NTM: variants seen among roughly 807,000 people sequenced by gnomAD.
NTM encodes the protein IgLON family member 2.
NTM carries 13 observed loss-of-function variants against 42.1 expected under a neutral mutation model. The observed-to-expected ratio is 0.31, with a 90% CI of 0.20 to 0.49. The LOEUF (loss-of-function observed/expected upper bound fraction) is 0.49, where lower values mean the gene tolerates loss of function less well. Among genes scored for constraint, NTM ranks in the 20% least tolerant of loss-of-function variants. The pLI, the probability that NTM is intolerant of heterozygous loss-of-function variation, is 0.99. For missense variants in NTM, 373 were observed against 452.8 expected (o/e 0.82, Z 1.60); for synonymous variants, 187 against 179.2 (o/e 1.04, Z -0.35).
chr11:131,473,871 A>T (rs941817674), intron 1 of NTM, among the ~76,000 whole-genome samples: 1 of 152,052 alleles, frequency 6.6e-6, no homozygotes, highest in Non-Finnish European at 1.5e-5. Context: ...GGCGTCTTCA[A>T]TCTCTCCTTC....
At chr11:132,036,748 G>C (rs1475388609) in intron 2 of NTM, among the ~76,000 whole-genome samples, 1 of 152,138 alleles carries the variant, frequency 6.6e-6, no homozygotes, top group East Asian at 1.9e-4. Context: ...AATGACCTGG[G>C]ATAAGCTCCT....
chr11:131,704,140 A>G (rs1301340753), intron 1 of NTM, among the ~76,000 whole-genome samples: 2 of 152,184 alleles, frequency 1.3e-5, no homozygotes, highest in African/African-American at 4.8e-5. Flanking sequence ...GGATAACTCA[A>G]TCACCAGGCT....
At chr11:132,236,506 C>A (rs995862307) in intron 4 of NTM, among the ~76,000 whole-genome samples, 2 of 152,206 alleles carry the variant, frequency 1.3e-5, no homozygotes, top group African/African-American at 2.4e-5. Flanking sequence ...GACGGCATAA[C>A]TATTCCACAT....
chr11:131,722,931 G>T (rs1223461958), intron 1 of NTM, among the ~76,000 whole-genome samples: 1 of 152,172 alleles, frequency 6.6e-6, no homozygotes, highest in Admixed American at 6.5e-5. Flanking sequence ...CAACTTCTGG[G>T]CTGCAATTGA....
At chr11:131,614,726 G>A (rs2061760017) in intron 1 of NTM, among the ~76,000 whole-genome samples, 3 of 152,226 alleles carry the variant, frequency 2.0e-5, no homozygotes, top group Non-Finnish European at 2.9e-5. Flanking sequence ...GTCTCAGACA[G>A]TTCTTACACT....
At chr11:131,556,024 G>A (rs149923902) in intron 1 of NTM, among the ~76,000 whole-genome samples, 54 of 152,270 alleles carry the variant, frequency 3.5e-4, no homozygotes, top group Middle Eastern at 3.4e-3. Context: ...AGTTTCTTGC[G>A]TTTGCCAGAA....
chr11:131,390,233 C>T (rs781083108), intron 1 of NTM, among the ~76,000 whole-genome samples: 4 of 152,068 alleles, frequency 2.6e-5, no homozygotes, highest in East Asian at 1.9e-4. Flanking sequence ...GGAGGTGCCA[C>T]GGTCTTTTAA....
At chr11:132,216,577 G>T (rs2083907323) in intron 4 of NTM, among the ~76,000 whole-genome samples, 1 of 152,188 alleles carries the variant, frequency 6.6e-6, no homozygotes, top group Non-Finnish European at 1.5e-5. Flanking sequence ...GCCCTGCAAG[G>T]TGTTCACAGA....
intron 1 of NTM, among the ~76,000 whole-genome samples, chr11:131,821,451 G>T (rs546007814): frequency 2.0e-5 from 3 of 152,116 alleles, no homozygotes; most frequent in Non-Finnish European, 2.9e-5. Flanking sequence ...CGGTGGTCAC[G>T]CCAGCAAACA....
intron 1 of NTM, among the ~76,000 whole-genome samples, chr11:131,717,882 G>A (rs1378693972): frequency 1.3e-5 from 2 of 152,116 alleles, no homozygotes; most frequent in African/African-American, 4.8e-5. Context: ...GTTTGAGAAA[G>A]TTCTCTTAAT....
At chr11:132,041,004 C>G (rs2077102621) in intron 2 of NTM, among the ~76,000 whole-genome samples, 1 of 152,178 alleles carries the variant, frequency 6.6e-6, no homozygotes, top group African/African-American at 2.4e-5. Context: ...CAATTCCTGG[C>G]ATCCAGTAGA....
At chr11:132,315,536 C>A (rs1446759390) in intron 7 of NTM, among the ~76,000 whole-genome samples, 1 of 152,208 alleles carries the variant, frequency 6.6e-6, no homozygotes, top group Non-Finnish European at 1.5e-5. Context: ...AAACCTGTCT[C>A]CCCAATCCCT....
At chr11:131,748,041 T>C (rs796418095) in intron 1 of NTM, among the ~76,000 whole-genome samples, 25 of 152,328 alleles carry the variant, frequency 1.6e-4, no homozygotes, top group African/African-American at 6.0e-4. Context: ...AATCCATTAC[T>C]TGTGTACAAG....
chr11:132,263,467 C>T (rs1388659161), intron 4 of NTM, among the ~76,000 whole-genome samples: 1 of 152,232 alleles, frequency 6.6e-6, no homozygotes, highest in Non-Finnish European at 1.5e-5. Flanking sequence ...TTGTGGTTCA[C>T]ATCCACGCTG....
At chr11:132,025,706 G>A (rs1053261903) in intron 2 of NTM, among the ~76,000 whole-genome samples, 12 of 152,298 alleles carry the variant, frequency 7.9e-5, no homozygotes, top group Admixed American at 6.5e-5. Context: ...CGAATTGGCC[G>A]GGGGTGTGGC....
At chr11:132,261,200 G>A (rs1398190758) in intron 4 of NTM, among the ~76,000 whole-genome samples, 1 of 152,168 alleles carries the variant, frequency 6.6e-6, no homozygotes, top group East Asian at 1.9e-4. Context: ...GGCCAAGAGA[G>A]TAGAGGTGGC....
At chr11:131,721,766 G>A (rs377201152) in intron 1 of NTM, among the ~76,000 whole-genome samples, 1 of 152,108 alleles carries the variant, frequency 6.6e-6, no homozygotes, top group Non-Finnish European at 1.5e-5. Flanking sequence ...GGAGGTCAAG[G>A]TGGGAGGATC....
chr11:132,331,500 C>T (rs2095800161), intron 8 of NTM, among the ~76,000 whole-genome samples: 1 of 152,134 alleles, frequency 6.6e-6, no homozygotes, highest in Non-Finnish European at 1.5e-5. Flanking sequence ...TCTTCAAGTA[C>T]AATTTTAAGC....
intron 2 of NTM, among the ~76,000 whole-genome samples, chr11:132,042,221 T>C (rs1425365909): frequency 6.6e-6 from 1 of 152,214 alleles, no homozygotes; most frequent in African/African-American, 2.4e-5. Context: ...TGTTTTGCTT[T>C]GATCATAGAT....
Sources: allele counts gnomAD v4.1 joint callset (sites outside exome capture counted in the v4.1 genomes callset), GRCh38; gene constraint gnomAD v4.1.1; transcripts MANE v1.5; gene names NCBI Gene and HGNC (gene_info 2026-07-23, HGNC 2026-07-21).